Variants in COPZ1 observed in about 807,000 individuals in gnomAD.
COPZ1 encodes the protein coatomer subunit zeta-1.
A neutral mutation model predicts 31.7 loss-of-function variants in COPZ1; 4 were observed. That is an observed-to-expected ratio of 0.13 (90% CI 0.06 to 0.29). The LOEUF (loss-of-function observed/expected upper bound fraction) is 0.29, where lower values mean the gene tolerates loss of function less well. Ranked by LOEUF, COPZ1 falls within the 10% of genes least tolerant of loss-of-function variation. The probability of loss-of-function intolerance (pLI) is 1.00; values close to 1 mark genes in which losing one functional copy is unlikely to be tolerated. For synonymous variants in COPZ1, 74 were observed against 79.0 expected (o/e 0.94, Z 0.33); for missense variants, 156 against 211.5 (o/e 0.74, Z 1.63).
Position 54,346,784 on chromosome 12 carries a change from A to G in COPZ1, c.318-983A>G, listed in dbSNP as rs1053022416. ...GGTAGGAAGATTGCTTGAGCCCAGG[A>G]GGTTGAGGCTGCAGTGAGCTGTGAT... On this transcript the variant is annotated intron_variant, in intron 5 of 8. Transcript: ENST00000262061. The G allele has an allele frequency of 4.9e-6, 3 of 613,614 alleles. No homozygotes were observed. In the African/African-American group the frequency reaches 5.5e-5, roughly 11 times the overall value. The allele number at this position is 613,614 out of a possible 1,614,324, so 38.0% of individuals were successfully genotyped here. A position where few individuals can be genotyped will look rare whatever the true frequency, so the allele number is the denominator to read the frequency against.
intron 1 of COPZ1, among the ~76,000 whole-genome samples, chr12:54,334,633 C>G (rs891714770): frequency 2.0e-5 from 3 of 151,806 alleles, no homozygotes; most frequent in Non-Finnish European, 2.9e-5. Flanking sequence ...GCGGGTGGAT[C>G]ATGAGGTCAG....
intron 8 of COPZ1, 176 bp from the exon 9 acceptor site, chr12:54,350,300 C>A (rs770841904): frequency 1.3e-6 from 1 of 763,110 alleles, no homozygotes; most frequent in South Asian, 1.4e-5. Flanking sequence ...TTGGAATTTT[C>A]CAAACAATCT....
At chr12:54,349,814 C>G in intron 8 of COPZ1, 156 bp downstream of exon 8, 1 of 741,010 alleles carries the variant, frequency 1.3e-6, no homozygotes, top group East Asian at 2.4e-5. Flanking sequence ...CTCATACAGC[C>G]AGCCACTCCC....
chr12:54,341,909 GAGGTCTAGATTGCAGACAGC>G, intron 2 of COPZ1, among the ~76,000 whole-genome samples: 1 of 152,212 alleles, frequency 6.6e-6, no homozygotes, highest in East Asian at 1.9e-4. Flanking sequence ...GGTTTTAGGA[GAGGTCTAGATTGCAGACAGC>G]TGCAGAGCCT....
At chr12:54,333,334 C>T (rs1953793047) in intron 1 of COPZ1, among the ~76,000 whole-genome samples, 1 of 152,084 alleles carries the variant, frequency 6.6e-6, no homozygotes, top group Non-Finnish European at 1.5e-5. Flanking sequence ...AGGTAGGAAC[C>T]AGCATGCCTA....
At chr12:54,347,695 A>G in intron 5 of COPZ1, 72 bp from the exon 6 acceptor site, 1 of 1,391,998 alleles carries the variant, frequency 7.2e-7, no homozygotes, top group Non-Finnish European at 1.0e-6. Flanking sequence ...TAGGTTCCTC[A>G]ATTGAGACAA....
intron 1 of COPZ1, among the ~76,000 whole-genome samples, chr12:54,331,606 A>G (rs1489285673): frequency 6.6e-6 from 1 of 152,208 alleles, no homozygotes; most frequent in Non-Finnish European, 1.5e-5. Flanking sequence ...AGAGGAGAAT[A>G]GAGCAATTCT....
At chr12:54,326,958 ATTCTTTTTTTTTTTTTTTTTTT>A (rs1476384780) in intron 1 of COPZ1, among the ~76,000 whole-genome samples, 1 of 38,764 alleles carries the variant, frequency 2.6e-5, no homozygotes, top group African/African-American at 1.0e-4. Context: ...GTTAACAAGT[ATTCTTTTTTTTTTTTTTTTTTT>A]TTTTTTTTTT....
intron 5 of COPZ1, among the ~76,000 whole-genome samples, chr12:54,347,102 G>A (rs773675042): frequency 6.6e-6 from 1 of 152,168 alleles, no homozygotes; most frequent in Non-Finnish European, 1.5e-5. Flanking sequence ...AATCAGCAGG[G>A]TGAATGGCTC....
At chr12:54,334,603 C>T (rs891779580) in intron 1 of COPZ1, among the ~76,000 whole-genome samples, 2 of 151,776 alleles carry the variant, frequency 1.3e-5, no homozygotes, top group African/African-American at 4.8e-5. Flanking sequence ...CCTGTAATCC[C>T]AGCACTTTGG....
chr12:54,332,888 A>G (rs1258938247), intron 1 of COPZ1, among the ~76,000 whole-genome samples: 1 of 152,146 alleles, frequency 6.6e-6, no homozygotes, highest in Non-Finnish European at 1.5e-5. Context: ...ACTGGATGCC[A>G]GGTAGAGTAG....
chr12:54,344,440 G>A (rs556603673), intron 4 of COPZ1, among the ~76,000 whole-genome samples: 11 of 152,158 alleles, frequency 7.2e-5, no homozygotes, highest in East Asian at 5.8e-4. Flanking sequence ...TTAGCTGGGC[G>A]TGGTGCGGGC....
intron 1 of COPZ1, among the ~76,000 whole-genome samples, chr12:54,331,920 C>T (rs1028663068): frequency 6.6e-6 from 1 of 152,116 alleles, no homozygotes; most frequent in African/African-American, 2.4e-5. Context: ...CTGATTTCTC[C>T]TTATTCAGTT....
intron 8 of COPZ1, chr12:54,349,863 C>G: frequency 1.6e-6 from 1 of 644,772 alleles, no homozygotes; most frequent in Non-Finnish European, 2.8e-6. Flanking sequence ...TACCTGTGAG[C>G]AGTGGCTGTC....
chr12:54,347,886 G>A, intron 6 of COPZ1, 42 bp downstream of exon 6: 1 of 1,607,434 alleles, frequency 6.2e-7, no homozygotes, highest in Non-Finnish European at 8.5e-7. Flanking sequence ...GAGGTGGCGG[G>A]ATAACTGCCC....
rs776188177 is a variant in COPZ1 at position 54,350,306 on chromosome 12, A to C, written c.487-170A>C. 291 of 769,448 alleles carry C rather than the reference A, an allele frequency of 3.8e-4. 1 individual carries two copies. The highest frequency in any genetic ancestry group is 3.6e-4 in the Non-Finnish European group (150 of 422,468). 47.7% of individuals were successfully genotyped at this position (769,448 alleles called of 1,614,324 possible). Reference sequence around the variant, plus strand: ...TGAATTTTTTTGGAATTTTCCAAACAATCTGCTAGGGCCTTAGAGAGCTTC... The same window carrying C: ...TGAATTTTTTTGGAATTTTCCAAACCATCTGCTAGGGCCTTAGAGAGCTTC... On this transcript the variant is annotated intron_variant, in intron 8 of 8. Transcript: ENST00000262061.
intron 1 of COPZ1, among the ~76,000 whole-genome samples, chr12:54,333,588 T>A (rs992677761): frequency 1.3e-5 from 2 of 152,112 alleles, no homozygotes; most frequent in African/African-American, 2.4e-5. Flanking sequence ...ATGCCTGTAG[T>A]CCTAGCTATT....
At chr12:54,347,419 AG>A (rs1388871836) in intron 5 of COPZ1, among the ~76,000 whole-genome samples, 3 of 152,104 alleles carry the variant, frequency 2.0e-5, no homozygotes, top group African/African-American at 7.3e-5. Context: ...ACTGAGTCTT[AG>A]CTCTGTTTAT....
At chr12:54,342,853 CTTTT>C (rs11321130) in intron 3 of COPZ1, among the ~76,000 whole-genome samples, 2 of 94,614 alleles carry the variant, frequency 2.1e-5, no homozygotes, top group Non-Finnish European at 2.0e-5. Context: ...GTAACGCCTT[CTTTT>C]TTTTTTTTTT....
Sources: allele counts gnomAD v4.1 joint callset (sites outside exome capture counted in the v4.1 genomes callset), GRCh38; gene constraint gnomAD v4.1.1; transcripts MANE v1.5; gene names NCBI Gene and HGNC (gene_info 2026-07-23, HGNC 2026-07-21).